The following VMP1 variants were observed in gnomAD, a reference collection of about 807,000 sequenced individuals.
The protein encoded by VMP1 is ectopic P-granules autophagy protein 3 homolog.
In VMP1, 11 loss-of-function variants were observed where a neutral mutation model predicts 56.0. That is an observed-to-expected ratio of 0.20 (90% CI 0.12 to 0.32). VMP1 has a LOEUF of 0.32. VMP1 is among the 10% of genes least tolerant of loss of function. VMP1 has a pLI of 1.00. For missense variants in VMP1, 296 were observed against 490.3 expected (o/e 0.60, Z 3.74); for synonymous variants, 149 against 165.0 (o/e 0.90, Z 0.74).
chr17:59,747,529 C>T (rs1334422842), intron 5 of VMP1, among the ~76,000 whole-genome samples: 1 of 151,630 alleles, frequency 6.6e-6, no homozygotes, highest in Non-Finnish European at 1.5e-5. Flanking sequence ...CCTGCCTCAG[C>T]TTAGCAGGTA....
intron 7 of VMP1, among the ~76,000 whole-genome samples, chr17:59,800,470 A>G (rs993131805): frequency 2.0e-5 from 3 of 152,240 alleles, no homozygotes; most frequent in Admixed American, 6.5e-5. Flanking sequence ...CAAATAGACT[A>G]TATTTTAACA....
intron 1 of VMP1, among the ~76,000 whole-genome samples, chr17:59,712,414 C>G (rs1192561389): frequency 6.6e-6 from 1 of 152,200 alleles, no homozygotes; most frequent in Non-Finnish European, 1.5e-5. Context: ...TAAGCCATAA[C>G]ACAGAATTTG....
intron 7 of VMP1, among the ~76,000 whole-genome samples, chr17:59,787,703 T>G (rs1365455440): frequency 2.6e-5 from 4 of 152,030 alleles, no homozygotes; most frequent in African/African-American, 9.7e-5. Flanking sequence ...GTGCCTGTAA[T>G]CCTGCTACTC....
intron 7 of VMP1, among the ~76,000 whole-genome samples, chr17:59,788,663 T>G (rs1179380817): frequency 6.6e-6 from 1 of 151,582 alleles, no homozygotes; most frequent in Non-Finnish European, 1.5e-5. Context: ...AAAAATTAGC[T>G]GGGTGTGCTG....
At chr17:59,784,871 T>G (rs1317917586) in intron 7 of VMP1, 1 of 152,178 alleles carries the variant, frequency 6.6e-6, no homozygotes, top group African/African-American at 2.4e-5. Context: ...TTTTTTACTT[T>G]TTAAAATTTT....
chr17:59,788,804 T>TA (rs10640460), intron 7 of VMP1, among the ~76,000 whole-genome samples: 25,761 of 138,624 alleles, frequency 0.19, 3,639 homozygotes, highest in African/African-American at 0.4. Flanking sequence ...AGACTCCATC[T>TA]AAAAAAAAAA....
At chr17:59,801,938 C>T (rs138843409) in intron 7 of VMP1, among the ~76,000 whole-genome samples, 315 of 151,648 alleles carry the variant, frequency 2.1e-3, no homozygotes, top group African/African-American at 7.1e-3. Context: ...TAGTGACTCA[C>T]GCCTGTAATC....
At chr17:59,719,248 G>A (rs1340147898) in intron 1 of VMP1, among the ~76,000 whole-genome samples, 1 of 152,104 alleles carries the variant, frequency 6.6e-6, no homozygotes, top group East Asian at 1.9e-4. Context: ...GAGCCCAAGA[G>A]TTCCAGCCTG....
In VMP1 at chr17:59,748,200, A is replaced by G. The variant is rs1300120123; in HGVS notation, c.414+9253A>G. ...AATAGAGCGAGACTCCGTCTCAAAA[A>G]AAAAAAAAAAAAAAAAACCTTTCCT... On this transcript the variant is annotated intron_variant, in intron 5 of 11. Transcript: ENST00000262291. Among the ~76,000 whole-genome samples the G allele has an allele frequency of 3.2e-4, 48 of 151,880 alleles. 1 individual carries two copies. Among genetic ancestry groups the G allele is most frequent in the African/African-American group, 1.1e-3 (47 of 41,488 alleles).
intron 6 of VMP1, among the ~76,000 whole-genome samples, chr17:59,773,300 GC>G (rs899416434): frequency 1.7e-4 from 25 of 149,216 alleles, no homozygotes; most frequent in African/African-American, 4.9e-4. Flanking sequence ...GATATCAGAA[GC>G]GGTGGGGGGG....
chr17:59,745,439 A>G (rs2035388671), intron 5 of VMP1, among the ~76,000 whole-genome samples: 2 of 152,208 alleles, frequency 1.3e-5, no homozygotes, highest in Admixed American at 6.5e-5. Flanking sequence ...AAAATAAGAA[A>G]CCAGAAGCAA....
At chr17:59,808,690 T>C in intron 7 of VMP1, 106 bp from the exon 8 acceptor site, 1 of 831,626 alleles carries the variant, frequency 1.2e-6, no homozygotes, top group Non-Finnish European at 1.9e-6. Context: ...ATTCATCTTA[T>C]TAATCAGTGT....
chr17:59,794,219 C>T (rs1288645185), intron 7 of VMP1, among the ~76,000 whole-genome samples: 18 of 64,632 alleles, frequency 2.8e-4, no homozygotes, highest in South Asian at 8.3e-4. Flanking sequence ...CGCACCCGGC[C>T]TTTTTTTTTT....
intron 5 of VMP1, among the ~76,000 whole-genome samples, chr17:59,761,039 A>T (rs1303020336): frequency 6.6e-6 from 1 of 151,992 alleles, no homozygotes; most frequent in Non-Finnish European, 1.5e-5. Flanking sequence ...AGTAGCTGGG[A>T]TTATAGGCAC....
chr17:59,785,540 A>G (rs2036976924), intron 7 of VMP1, among the ~76,000 whole-genome samples: 1 of 152,058 alleles, frequency 6.6e-6, no homozygotes, highest in African/African-American at 2.4e-5. Context: ...AAATACAAAA[A>G]TTAGCTGGGC....
chr17:59,722,174 G>A (rs1171961463), intron 1 of VMP1, among the ~76,000 whole-genome samples: 2 of 152,070 alleles, frequency 1.3e-5, no homozygotes, highest in Non-Finnish European at 2.9e-5. Context: ...ATTTGGGGGG[G>A]CACAATTCAG....
At chr17:59,784,138 T>TGAGAGA (rs1278302063) in intron 7 of VMP1, among the ~76,000 whole-genome samples, 46 of 132,526 alleles carry the variant, frequency 3.5e-4, no homozygotes, top group African/African-American at 1.3e-3. Context: ...TGTGTGTGTG[T>TGAGAGA]GTGTGAGAGA....
intron 7 of VMP1, among the ~76,000 whole-genome samples, chr17:59,792,223 A>G (rs1181740927): frequency 1.3e-5 from 2 of 152,070 alleles, no homozygotes; most frequent in African/African-American, 4.8e-5. Context: ...ATTGTAATGA[A>G]CTATGATGGC....
chr17:59,779,726 G>C (rs1414416182), intron 7 of VMP1, among the ~76,000 whole-genome samples: 1 of 152,182 alleles, frequency 6.6e-6, no homozygotes, highest in African/African-American at 2.4e-5. Context: ...TGCTCACAGA[G>C]TGCAGTGAGT....
Sources: gnomAD v4.1 joint callset for allele counts (sites outside exome capture counted in the v4.1 genomes callset) on GRCh38, gnomAD v4.1.1 for gene constraint, MANE v1.5 for transcripts, NCBI Gene and HGNC (gene_info 2026-07-23, HGNC 2026-07-21) for gene names.